Variants in COA6 observed in about 807,000 individuals in gnomAD.
COA6 encodes the protein cytochrome c oxidase assembly factor 6 homolog.
COA6 carries 12 observed loss-of-function variants against 17.1 expected under a neutral mutation model. The ratio of observed to expected loss-of-function variants is 0.70; its 90% CI spans 0.45 to 1.14. COA6 has a LOEUF of 1.14. Ranked by LOEUF, COA6 falls within the 50% of genes most tolerant of loss-of-function variation. The pLI, the probability that COA6 is intolerant of heterozygous loss-of-function variation, is 0.00. For synonymous variants in COA6, 90 were observed against 73.4 expected, an observed-to-expected ratio of 1.23 and a Z score of -1.16; for missense variants, 246 against 196.5, an observed-to-expected ratio of 1.25 and a Z score of -1.51.
At position 234,374,378 on chromosome 1, in the gene COA6, C is replaced by T; in HGVS notation, c.361C>T (p.Pro121Ser). Residue 121 changes from proline (P) to serine (S), a missense_variant, in exon 2 of 3, where the codon CCC becomes TCC. Physicochemically the swap from Pro to Ser is moderately conservative, Grantham distance 74. Transcript: ENST00000366615. ...AAGAAGCTCTTTCGAATCAAGTTGT[C>T]CCCAACAGTGGGTAAGTCACACTTT... ...KLRSSFESSC[P>S]QQWIKYFDKR... The T allele has an allele frequency of 6.2e-7, 1 of 1,613,986 alleles. No individual in the cohort carries two copies. Among genetic ancestry groups the T allele is most frequent in the Middle Eastern group, 1.7e-4 (1 of 6,038 alleles).
chr1:234,378,693 C>G (rs1658878065), intron 2 of COA6, among the ~76,000 whole-genome samples: 1 of 151,966 alleles, frequency 6.6e-6, no homozygotes, highest in Non-Finnish European at 1.5e-5. Flanking sequence ...GCCAACATGG[C>G]AAAACCCAGT....
In COA6 at chr1:234,383,882, A is replaced by C. The variant is rs978404639; in HGVS notation, c.*64A>C. On this transcript the variant is annotated 3_prime_UTR_variant, in exon 3 of 3. Transcript: ENST00000366615. ...GAAAAAGCTCCACTGACTATGGAAC[A>C]GTAATAGTTTGAATCATAGTGAACA... The C allele has an allele frequency of 7.5e-6, 6 of 800,638 alleles. No individual in the cohort carries two copies. Among genetic ancestry groups the C allele is most frequent in the Non-Finnish European group, 1.1e-5 (5 of 474,242 alleles). 49.6% of individuals were successfully genotyped at this position (800,638 alleles called of 1,614,324 possible).
At chr1:234,374,937 A>G (rs1658745423) in intron 2 of COA6, among the ~76,000 whole-genome samples, 1 of 152,168 alleles carries the variant, frequency 6.6e-6, no homozygotes, top group Non-Finnish European at 1.5e-5. Flanking sequence ...TACTGAGGTT[A>G]GTAAGTGGCC....
intron 1 of COA6, 167 bp from the exon 2 acceptor site, chr1:234,374,063 G>T: frequency 1.1e-6 from 1 of 892,514 alleles, no homozygotes; most frequent in Non-Finnish European, 1.7e-6. Flanking sequence ...GAACTGATTG[G>T]GTTCAGTTGC....
chr1:234,377,059 C>CGAGAGAGAGAGAGAGAGAGAGA lies in COA6; in HGVS notation c.372+2691_372+2712dup, dbSNP rs71170479. ...GACAGCTACCTTCTTGCTGTGTTGC[C>CGAGAGAGAGAGAGAGAGAGAGA]GAGAGAGAGAGAGAGAGAGAGAGAG... On this transcript the variant is annotated intron_variant, in intron 2 of 2. Transcript: ENST00000366615. 2.5e-4 allele frequency among the ~76,000 whole-genome samples: 21 copies of CGAGAGAGAGAGAGAGAGAGAGA among 82,638 alleles called. 1 individual carries two copies. Among genetic ancestry groups the CGAGAGAGAGAGAGAGAGAGAGA allele is most frequent in the Admixed American group, 4.5e-4 (4 of 8,884 alleles). 54.2% of individuals were successfully genotyped at this position (82,638 alleles called of 152,430 possible). A position where few individuals can be genotyped will look rare whatever the true frequency, so the allele number is the denominator to read the frequency against.
At chr1:234,380,299 A>C (rs979499318) in intron 2 of COA6, among the ~76,000 whole-genome samples, 26 of 152,170 alleles carry the variant, frequency 1.7e-4, no homozygotes, top group African/African-American at 5.8e-4. Flanking sequence ...GTAAATGGAA[A>C]TCTCTTTTGA....
At chr1:234,374,108 TTTTG>T in intron 1 of COA6, 118 bp from the exon 2 acceptor site, 2 of 1,088,740 alleles carry the variant, frequency 1.8e-6, no homozygotes, top group African/African-American at 5.3e-5. Context: ...TTTGTTTTGT[TTTTG>T]TTTTTTTTTT....
In COA6 at chr1:234,373,493, T is replaced by A; in HGVS notation, c.27T>A (p.Ser9Arg). 1 of 1,587,004 alleles carries A rather than the reference T, an allele frequency of 6.3e-7. No homozygotes were observed. The highest frequency in any genetic ancestry group is 8.6e-7 in the Non-Finnish European group (1 of 1,166,886). ...TGGTAGCTCGGAAGGGTCAAAAGAG[T>A]CCGCGGTTTCGCCGCGTGAGTTGCT... MVARKGQK[S>R]PRFRRVSCFL... Residue 9 changes from serine to arginine, a missense_variant, in exon 1 of 3, where the codon AGT becomes AGA. By Grantham distance (110) the Ser-to-Arg change is moderately radical (BLOSUM62 -1). Coordinates refer to ENST00000366615, the MANE Select transcript of COA6 (RefSeq NM_001206641.3).
Position 234,373,770 on chromosome 1 carries a change from A to G in COA6, c.212+92A>G. ...CCCGAGCCGCGGGTTCCTCTTGTGCAAAACGGGGTGGCACTCCAATCGCCT... is the reference window on the plus strand; with the variant it reads ...CCCGAGCCGCGGGTTCCTCTTGTGCGAAACGGGGTGGCACTCCAATCGCCT... On this transcript the variant is annotated intron_variant, in intron 1 of 2. Transcript: ENST00000366615. The G allele has an allele frequency of 6.2e-7, 1 of 1,613,774 alleles. No homozygotes were observed. The highest frequency in any genetic ancestry group is 8.5e-7 in the Non-Finnish European group (1 of 1,180,028).
chr1:234,373,790 T>G, intron 1 of COA6, 112 bp downstream of exon 1: 1 of 1,613,750 alleles, frequency 6.2e-7, no homozygotes, highest in Non-Finnish European at 8.5e-7. Context: ...GGCACTCCAA[T>G]CGCCTGCTTG....
At chr1:234,376,461 T>C (rs1438022881) in intron 2 of COA6, among the ~76,000 whole-genome samples, 1 of 152,190 alleles carries the variant, frequency 6.6e-6, no homozygotes, top group African/African-American at 2.4e-5. Flanking sequence ...TCTACACACT[T>C]GAAATGTGTC....
chr1:234,383,154 G>A (rs1340449551), intron 2 of COA6, among the ~76,000 whole-genome samples: 1 of 151,982 alleles, frequency 6.6e-6, no homozygotes, highest in Non-Finnish European at 1.5e-5. Flanking sequence ...TGAGAGCTCT[G>A]TGGACTCTGA....
In COA6 at chr1:234,374,379, C is replaced by G; in HGVS notation, c.362C>G (p.Pro121Arg). The part of the protein sequence containing the change: ...KLRSSFESSC[P>R]QQWIKYFDKR... ...AGAAGCTCTTTCGAATCAAGTTGTC[C>G]CCAACAGTGGGTAAGTCACACTTTG... Residue 121 changes from proline to arginine, a missense_variant, in exon 2 of 3, where the codon CCC (proline) becomes CGC (arginine). By Grantham distance (103) the Pro-to-Arg change is moderately radical (BLOSUM62 -2). Coordinates refer to ENST00000366615, the MANE Select transcript of COA6 (RefSeq NM_001206641.3). The G allele has an allele frequency of 2.5e-6, 4 of 1,613,870 alleles. No individual in the cohort carries two copies. The highest frequency in any genetic ancestry group is 2.5e-6 in the Non-Finnish European group (3 of 1,179,948).
chr1:234,377,107 T>G lies in COA6; in HGVS notation c.372+2718T>G, dbSNP rs1658827339. On this transcript the variant is annotated intron_variant, in intron 2 of 2. Transcript: ENST00000366615. ...GAGAGAGAGAGAGAGAGAGATCCAG[T>G]CTCTGTCTCCTCTTTTTTTGTTTTT... Among the ~76,000 whole-genome samples, 2 of 117,724 alleles carry G rather than the reference T, an allele frequency of 1.7e-5. 1 individual carries two copies. Among genetic ancestry groups the G allele is most frequent in the African/African-American group, 6.7e-5 (2 of 29,994 alleles). The allele number at this position is 117,724 out of a possible 152,430, so 77.2% of individuals were successfully genotyped here. A position where few individuals can be genotyped will look rare whatever the true frequency, so the allele number is the denominator to read the frequency against.
chr1:234,377,954 C>G (rs1658858885), intron 2 of COA6, among the ~76,000 whole-genome samples: 1 of 152,226 alleles, frequency 6.6e-6, no homozygotes, highest in Non-Finnish European at 1.5e-5. Context: ...AGTGCAAGCT[C>G]TCTGTAACCA....
chr1:234,373,519 T>C lies in COA6; in HGVS notation c.53T>C (p.Phe18Ser). The change falls in exon 1 of 3, where the codon TTT becomes TCT. Residue 18 changes from phenylalanine (F) to serine (S), a missense_variant. Transcript: ENST00000366615. ...CCGCGGTTTCGCCGCGTGAGTTGCT[T>C]TTTGCGGCTGGGGAGGTCTACGCTT... is the stretch of plus-strand genomic sequence containing the variant. ...KSPRFRRVSC[F>S]LRLGRSTLLE... 1 of 1,608,504 alleles carries C rather than the reference T, an allele frequency of 6.2e-7. No homozygotes were observed. The highest frequency in any genetic ancestry group is 1.1e-5 in the South Asian group (1 of 90,818).
rs146359355 is a variant in COA6 at position 234,374,189 on chromosome 1, C to T, written c.213-41C>T. 1.7e-4 allele frequency: 263 copies of T among 1,532,760 alleles called. 1 individual carries two copies. The African/African-American group carries it at 3.2e-3, about 18-fold the overall frequency. The allele number at this position is 1,532,760 out of a possible 1,614,324, so 94.9% of individuals were successfully genotyped here. Reference sequence around the variant, plus strand: ...CTTTCCTTATCTTCTCTTCAGATTACAAAGTTCATTGTTAATCTCAAATAT... The same window carrying T: ...CTTTCCTTATCTTCTCTTCAGATTATAAAGTTCATTGTTAATCTCAAATAT... On this transcript the variant is annotated intron_variant, in intron 1 of 2. Coordinates refer to ENST00000366615, the MANE Select transcript of COA6 (RefSeq NM_001206641.3).
At chr1:234,382,577 TTTTTACA>T (rs1168715456) in intron 2 of COA6, among the ~76,000 whole-genome samples, 1 of 152,224 alleles carries the variant, frequency 6.6e-6, no homozygotes, top group African/African-American at 2.4e-5. Context: ...ACAGGGCAGA[TTTTTACA>T]TTTGCAGTCC....
At chr1:234,382,875 C>T (rs541892158) in intron 2 of COA6, among the ~76,000 whole-genome samples, 2 of 152,022 alleles carry the variant, frequency 1.3e-5, no homozygotes, top group Non-Finnish European at 2.9e-5. Flanking sequence ...GGCATGGTAG[C>T]AGATGCCTGT....
Sources: gnomAD v4.1 joint callset for allele counts (sites outside exome capture counted in the v4.1 genomes callset) on GRCh38, gnomAD v4.1.1 for gene constraint, MANE v1.5 for transcripts, NCBI Gene and HGNC (gene_info 2026-07-23, HGNC 2026-07-21) for gene names.